The following JUP variants were observed in gnomAD, a reference collection of about 807,000 sequenced individuals.
The protein encoded by JUP is junction plakoglobin.
In JUP, 28 loss-of-function variants were observed where a neutral mutation model predicts 71.1. The observed-to-expected ratio is 0.39, with a 90% CI of 0.29 to 0.54. The LOEUF (loss-of-function observed/expected upper bound fraction) is 0.54. JUP is among the 20% of genes least tolerant of loss of function. The pLI, the probability that JUP is intolerant of heterozygous loss-of-function variation, is 0.62. For synonymous variants in JUP, 401 were observed against 438.9 expected (o/e 0.91, Z 1.08); for missense variants, 869 against 1,030.1 (o/e 0.84, Z 2.14).
At chr17:41,756,756 C>A (rs142142665) in intron 12 of JUP, among the ~76,000 whole-genome samples, 1 of 151,644 alleles carries the variant, frequency 6.6e-6, no homozygotes, top group Non-Finnish European at 1.5e-5. Flanking sequence ...AAAAATTAGC[C>A]GGGTGTGGTA....
At chr17:41,773,367 C>G (rs1275852603) in intron 1 of JUP, among the ~76,000 whole-genome samples, 2 of 152,212 alleles carry the variant, frequency 1.3e-5, no homozygotes, top group Non-Finnish European at 2.9e-5. Flanking sequence ...TTATGGCAGG[C>G]AGCCGTGAGC....
intron 1 of JUP, among the ~76,000 whole-genome samples, chr17:41,781,933 C>T (rs960273489): frequency 4.9e-4 from 74 of 152,276 alleles, no homozygotes; most frequent in African/African-American, 1.7e-3. Context: ...AACCTCATGC[C>T]CTCTTTGTAG....
chr17:41,783,013 C>T (rs1555610664), intron 1 of JUP, among the ~76,000 whole-genome samples: 3 of 151,418 alleles, frequency 2.0e-5, no homozygotes. Context: ...AGGAGAATCG[C>T]TTGAACCCAG....
In JUP at chr17:41,763,315, GGC is replaced by G; in HGVS notation, c.1163_1164del (p.Gly388AlafsTer16). 2 of 1,613,708 alleles carry G rather than the reference GGC, an allele frequency of 1.2e-6. No homozygotes were observed. Among genetic ancestry groups the G allele is most frequent in the Non-Finnish European group, 1.7e-6 (2 of 1,179,722 alleles). ...ACCAGAATCTTCAGCACACTCTCCAGGCCCTCCTGGAGGGCAAGGAAGGGACG... is the reference window on the plus strand; with the variant it reads ...ACCAGAATCTTCAGCACACTCTCCAGCCTCCTGGAGGGCAAGGAAGGGACG... ...NLSDVATKQE[G>X]LESVLKILVN... On this transcript the variant is annotated frameshift_variant, in exon 8 of 14. Transcript: ENST00000393931. LOFTEE classifies it high-confidence loss of function.
At chr17:41,762,785 A>G (rs1337746007) in intron 8 of JUP, among the ~76,000 whole-genome samples, 198 bp downstream of exon 8, 2 of 152,216 alleles carry the variant, frequency 1.3e-5, no homozygotes, top group African/African-American at 4.8e-5. Flanking sequence ...TGGTAGAGCT[A>G]CAAGATAGAA....
At chr17:41,773,891 C>A (rs887801298) in intron 1 of JUP, among the ~76,000 whole-genome samples, 1 of 152,206 alleles carries the variant, frequency 6.6e-6, no homozygotes, top group Non-Finnish European at 1.5e-5. Flanking sequence ...GTAGCAATAA[C>A]CCACTGAATG....
intron 4 of JUP, 65 bp from the exon 5 acceptor site, chr17:41,767,645 C>A: frequency 7.4e-7 from 1 of 1,352,958 alleles, no homozygotes; most frequent in Non-Finnish European, 1.0e-6. Context: ...GTGAGCCTGG[C>A]ATGGGTTCCC....
rs781982717 is a variant in JUP, at chr17:41,763,200, G to A, written c.1280C>T (p.Thr427Met). The A allele has an allele frequency of 2.7e-5, 44 of 1,614,126 alleles. No individual in the cohort carries two copies. Among genetic ancestry groups the A allele is most frequent in the Admixed American group, 1.0e-4 (6 of 60,012 alleles). ...CACACCGCTGTTCTGTGTCACCAGC[G>A]TCTTGTTCTTGCTGTTGTTGCATGT... is the stretch of plus-strand genomic sequence containing the variant. ...NLTCNNSKNK[T>M]LVTQNSGVEA... The change falls in exon 8 of 14, where the codon ACG (threonine) becomes ATG (methionine). Residue 427 changes from threonine (T) to methionine (M), a missense_variant. By Grantham distance (81) the Thr-to-Met change is moderately conservative. Coordinates refer to ENST00000393931, the MANE Select transcript of JUP (RefSeq NM_002230.4).
At position 41,771,648 on chromosome 17, in the gene JUP, T is replaced by C. The variant is rs1399224184; in HGVS notation, c.207A>G (p.Gln69=). ...TTYTQGVPPS[Q]GDLEYQMSTT... is the part of the protein sequence containing the mutation. ...GCAATAGTCCCCAGGGGTCCTGACC[T>C]TGGCTGGGGGGCACCCCCTGGGTGT... is the stretch of plus-strand genomic sequence containing the variant. The change falls in exon 2 of 14, where the codon CAA becomes CAG. Residue 69 remains glutamine, a splice_region_variant and synonymous_variant. Transcript: ENST00000393931. 6.2e-7 allele frequency: 1 copy of C among 1,612,834 alleles called. No homozygotes were observed. The highest frequency in any genetic ancestry group is 8.5e-7 in the Non-Finnish European group (1 of 1,179,936).
intron 1 of JUP, chr17:41,785,119 G>A (rs2047385570): frequency 6.6e-6 from 1 of 152,086 alleles, no homozygotes; most frequent in Admixed American, 6.6e-5. Context: ...TCAGGAAAGC[G>A]GGTGGGAAAG....
At position 41,767,673 on chromosome 17, in the gene JUP, TC is replaced by T; in HGVS notation, c.708-94del. 3 of 966,062 alleles carry T rather than the reference TC, an allele frequency of 3.1e-6. No homozygotes were observed. The South Asian group carries it at 4.3e-5, about 14-fold the overall frequency. 59.8% of individuals were successfully genotyped at this position (966,062 alleles called of 1,614,324 possible). ...GGGTTCCCACCTCCCCCAGGAAGCC[TC>T]CCCGCTACTGACGCCCCTCTGGAAA... On this transcript the variant is annotated intron_variant, in intron 4 of 13. Transcript: ENST00000393931.
At chr17:41,766,478 T>C (rs1915733679) in intron 5 of JUP, among the ~76,000 whole-genome samples, 1 of 151,998 alleles carries the variant, frequency 6.6e-6, no homozygotes, top group African/African-American at 2.4e-5. Context: ...CCTGATACTT[T>C]GGGAGGCCAA....
At chr17:41,772,734 G>T in intron 1 of JUP, 1 of 896,438 alleles carries the variant, frequency 1.1e-6, no homozygotes, top group Non-Finnish European at 1.3e-6. Context: ...TCGAGCCCAG[G>T]CTAGGGATCT....
At chr17:41,775,986 G>C (rs1407023199) in intron 1 of JUP, 11 of 985,274 alleles carry the variant, frequency 1.1e-5, no homozygotes, top group Non-Finnish European at 1.2e-5. Flanking sequence ...GCTACACCAG[G>C]CTCCTTCCCC....
intron 2 of JUP, among the ~76,000 whole-genome samples, 157 bp from the exon 3 acceptor site, chr17:41,769,834 G>C (rs1318463256): frequency 3.3e-5 from 5 of 151,752 alleles, no homozygotes; most frequent in African/African-American, 1.2e-4. Flanking sequence ...CTCTCACCAG[G>C]AACCTTGGGG....
intron 1 of JUP, among the ~76,000 whole-genome samples, chr17:41,774,911 G>A (rs1313607399): frequency 1.3e-5 from 2 of 152,036 alleles, no homozygotes; most frequent in Non-Finnish European, 1.5e-5. Context: ...GACCATCCTG[G>A]TCAACATGGT....
chr17:41,771,527 T>G, intron 2 of JUP, 120 bp downstream of exon 2: 3 of 895,684 alleles, frequency 3.3e-6, no homozygotes, highest in Non-Finnish European at 5.4e-6. Context: ...CTAGTTAGCA[T>G]GAGCTGTGCC....
intron 5 of JUP, among the ~76,000 whole-genome samples, chr17:41,765,381 T>G (rs748591858): frequency 1.3e-5 from 2 of 148,746 alleles, no homozygotes; most frequent in Non-Finnish European, 3.0e-5. Flanking sequence ...AGATAGAGTC[T>G]CGCTCTGTCA....
Position 41,758,518 on chromosome 17 carries a change from C to T in JUP, c.1654G>A (p.Asp552Asn), listed in dbSNP as rs2143451579. ...VAAGTQQPYT[D>N]GVRMEEIVEG... ...ACAATCTCCTCCATCCTCACACCAT[C>T]CTGTGTGAGAGGAGGCAGGGGGCAT... The change falls in exon 10 of 14, where the codon GAT becomes AAT. Residue 552 changes from aspartate to asparagine, a missense_variant and splice_region_variant. Physicochemically the swap from Asp to Asn is conservative, Grantham distance 23. Transcript: ENST00000393931. 5.6e-6 allele frequency: 9 copies of T among 1,609,654 alleles called. No individual in the cohort carries two copies. The highest frequency in any genetic ancestry group is 7.7e-6 in the Non-Finnish European group (9 of 1,176,434).
Sources: gnomAD v4.1 joint callset for allele counts (sites outside exome capture counted in the v4.1 genomes callset) on GRCh38, gnomAD v4.1.1 for gene constraint, MANE v1.5 for transcripts, NCBI Gene and HGNC (gene_info 2026-07-23, HGNC 2026-07-21) for gene names.